TVP23C: variants seen among roughly 807,000 people sequenced by gnomAD.
TVP23C encodes the protein Golgi apparatus membrane protein TVP23 homolog C.
In TVP23C, 19 loss-of-function variants were observed where a neutral mutation model predicts 28.7. That is an observed-to-expected ratio of 0.66 (90% CI 0.46 to 0.97). The LOEUF (loss-of-function observed/expected upper bound fraction) is 0.97. Among genes scored for constraint, TVP23C ranks in the 50% least tolerant of loss-of-function variants. The pLI, the probability that TVP23C is intolerant of heterozygous loss-of-function variation, is 0.00. For missense variants in TVP23C, 186 were observed against 241.3 expected, an observed-to-expected ratio of 0.77 and a Z score of 1.52; for synonymous variants, 68 against 81.7, an observed-to-expected ratio of 0.83 and a Z score of 0.90.
intron 5 of TVP23C, among the ~76,000 whole-genome samples, chr17:15,517,718 C>T (rs935094463): frequency 6.6e-6 from 1 of 152,130 alleles, no homozygotes; most frequent in Non-Finnish European, 1.5e-5. Context: ...TGCCATCCCA[C>T]CCTAAACAGG....
At chr17:15,505,894 G>A (rs577437906) in intron 5 of TVP23C, among the ~76,000 whole-genome samples, 91 of 152,358 alleles carry the variant, frequency 6.0e-4, no homozygotes, top group African/African-American at 2.0e-3. Flanking sequence ...CGCTGTGCTC[G>A]ATTTCTCACC....
At chr17:15,528,673 T>C (rs1387886559) in intron 5 of TVP23C, among the ~76,000 whole-genome samples, 1 of 151,816 alleles carries the variant, frequency 6.6e-6, no homozygotes, top group Non-Finnish European at 1.5e-5. Flanking sequence ...TGGCGTGATC[T>C]TGGCTCACCG....
At chr17:15,530,302 ATTTT>A (rs1982901103) in intron 5 of TVP23C, among the ~76,000 whole-genome samples, 1 of 151,910 alleles carries the variant, frequency 6.6e-6, no homozygotes, top group African/African-American at 2.4e-5. Flanking sequence ...CTCTTATTGT[ATTTT>A]TTGAGTTTTT....
chr17:15,528,667 G>A (rs1435532701), intron 5 of TVP23C, among the ~76,000 whole-genome samples: 9 of 151,584 alleles, frequency 5.9e-5, no homozygotes, highest in Non-Finnish European at 4.4e-5. Context: ...GTGCCGTGGC[G>A]TGATCTTGGC....
intron 5 of TVP23C, among the ~76,000 whole-genome samples, chr17:15,545,584 G>A (rs1424070316): frequency 6.6e-6 from 1 of 152,286 alleles, no homozygotes; most frequent in Non-Finnish European, 1.5e-5. Context: ...CTAGAAAACT[G>A]GTGGGAAGGG....
intron 3 of TVP23C, among the ~76,000 whole-genome samples, chr17:15,548,881 TA>T (rs1358127708): frequency 1.3e-5 from 2 of 152,154 alleles, no homozygotes; most frequent in African/African-American, 4.8e-5. Flanking sequence ...GAAATAAAAA[TA>T]GAACAATTAT....
chr17:15,522,240 TCTTA>T (rs1467994937), intron 5 of TVP23C, among the ~76,000 whole-genome samples: 19 of 152,178 alleles, frequency 1.2e-4, no homozygotes, highest in African/African-American at 4.1e-4. Flanking sequence ...ATCTTTATGT[TCTTA>T]GAGTAAAAAG....
intron 5 of TVP23C, chr17:15,516,575 C>T (rs1351687664): frequency 6.6e-6 from 1 of 152,022 alleles, no homozygotes; most frequent in African/African-American, 2.4e-5. Context: ...TATGGAACAC[C>T]AGTCAGACTG....
chr17:15,531,548 T>C (rs1236509830), intron 5 of TVP23C, among the ~76,000 whole-genome samples: 1 of 152,228 alleles, frequency 6.6e-6, no homozygotes, highest in Non-Finnish European at 1.5e-5. Flanking sequence ...AATTTGCTGA[T>C]TCTTCTGCCT....
At chr17:15,559,163 G>A (rs974294299) in intron 1 of TVP23C, among the ~76,000 whole-genome samples, 1 of 147,292 alleles carries the variant, frequency 6.8e-6, no homozygotes, top group Admixed American at 6.9e-5. Flanking sequence ...GCCAAACTTG[G>A]GCCCCGTCAG....
intron 2 of TVP23C, 78 bp from the exon 3 acceptor site, chr17:15,553,907 A>G (rs937609306): frequency 2.5e-6 from 4 of 1,599,386 alleles, no homozygotes; most frequent in Non-Finnish European, 3.4e-6. Flanking sequence ...AAAATGTTTT[A>G]GCCATCGTGT....
chr17:15,521,116 GA>G (rs999883620), intron 5 of TVP23C, among the ~76,000 whole-genome samples: 1 of 151,858 alleles, frequency 6.6e-6, no homozygotes, highest in African/African-American at 2.4e-5. Flanking sequence ...ATATTACAAA[GA>G]TGAGAATTCC....
downstream of TVP23C, chr17:15,536,912 A>C (rs1442900913): frequency 4.8e-6 from 1 of 208,316 alleles, no homozygotes; most frequent in Non-Finnish European, 8.3e-6. Context: ...ATTAACCTGA[A>C]GTTCAGTTAT....
In TVP23C at chr17:15,539,355, C is replaced by T. The variant is rs1983302136; in HGVS notation, c.*1057G>A. 3 of 971,686 alleles carry T rather than the reference C, an allele frequency of 3.1e-6. No homozygotes were observed. Among genetic ancestry groups the T allele is most frequent in the African/African-American group, 1.8e-5 (1 of 56,938 alleles). The allele number at this position is 971,686 out of a possible 1,614,324, so 60.2% of individuals were successfully genotyped here. ...AGGCGCCGTGGCTCACGCCTGTAAT[C>T]CCAGCACTTTGGGAGGCGGAGGCAG... On this transcript the variant is annotated 3_prime_UTR_variant, in exon 6 of 6. Transcript: ENST00000518321.
chr17:15,522,859 A>G (rs1008491479), intron 5 of TVP23C, among the ~76,000 whole-genome samples: 14 of 152,160 alleles, frequency 9.2e-5, no homozygotes, highest in Non-Finnish European at 4.4e-5. Flanking sequence ...CCTGACCAAC[A>G]TGGTGAAACC....
At chr17:15,551,642 CG>C (rs1983894741) in intron 3 of TVP23C, among the ~76,000 whole-genome samples, 1 of 150,648 alleles carries the variant, frequency 6.6e-6, no homozygotes, top group Non-Finnish European at 1.5e-5. Flanking sequence ...AAGAGAAATT[CG>C]TAAACTTTCT....
At chr17:15,540,974 G>T (rs1983386993) in intron 5 of TVP23C, among the ~76,000 whole-genome samples, 1 of 152,236 alleles carries the variant, frequency 6.6e-6, no homozygotes, top group African/African-American at 2.4e-5. Context: ...GGTAGATCAA[G>T]TTCAATAAAC....
At chr17:15,507,265 T>A in intron 5 of TVP23C, 2 of 742,486 alleles carry the variant, frequency 2.7e-6, no homozygotes, top group East Asian at 2.5e-5. Context: ...AGAGAAGGCA[T>A]GAATATTGTG....
At chr17:15,558,449 T>C (rs1984228260) in intron 1 of TVP23C, among the ~76,000 whole-genome samples, 1 of 146,366 alleles carries the variant, frequency 6.8e-6, no homozygotes, top group African/African-American at 2.5e-5. Flanking sequence ...TGTGAATATG[T>C]AAATTTACTT....
Sources: allele counts gnomAD v4.1 joint callset (sites outside exome capture counted in the v4.1 genomes callset), GRCh38; gene constraint gnomAD v4.1.1; transcripts MANE v1.5; gene names NCBI Gene and HGNC (gene_info 2026-07-23, HGNC 2026-07-21).